Variants in TRIM7 observed in about 807,000 individuals in gnomAD.
TRIM7 encodes the protein tripartite motif containing 7, also known as E3 ubiquitin-protein ligase TRIM7.
A neutral mutation model predicts 37.9 loss-of-function variants in TRIM7; 32 were observed. That is an observed-to-expected ratio of 0.84 (90% CI 0.64 to 1.13). The LOEUF is 1.13. Ranked by LOEUF, TRIM7 falls within the 50% of genes most tolerant of loss-of-function variation. The pLI is 0.00. For synonymous variants in TRIM7, 351 were observed against 321.3 expected (o/e 1.09, Z -0.99); for missense variants, 732 against 714.0 (o/e 1.03, Z -0.29).
intron 1 of TRIM7, chr5:181,204,286 A>C: frequency 2.7e-6 from 3 of 1,091,076 alleles, no homozygotes; most frequent in Non-Finnish European, 2.2e-6. Context: ...AGACCAGGCT[A>C]GAGGCTCCGA....
intron 5 of TRIM7, 115 bp downstream of exon 5, chr5:181,198,575 C>T (rs1447529006): frequency 2.5e-5 from 19 of 774,246 alleles, no homozygotes; most frequent in Non-Finnish European, 3.1e-5. Flanking sequence ...CATGGCACAG[C>T]CAGCTCCTAT....
intron 2 of TRIM7, 164 bp downstream of exon 2, chr5:181,203,381 C>G: frequency 2.1e-6 from 3 of 1,457,264 alleles, no homozygotes; most frequent in Non-Finnish European, 2.7e-6. Context: ...CTGGTTTGTA[C>G]AACAATTATG....
At chr5:181,201,856 G>A (rs1023144827) in intron 2 of TRIM7, among the ~76,000 whole-genome samples, 7 of 152,214 alleles carry the variant, frequency 4.6e-5, no homozygotes, top group East Asian at 1.9e-4. Context: ...AGCTGCCGCC[G>A]GTGCCAGGGA....
chr5:181,200,837 G>A, intron 2 of TRIM7: 1 of 985,474 alleles, frequency 1.0e-6, no homozygotes, highest in Admixed American at 6.1e-5. Flanking sequence ...AAAACTCCTG[G>A]GCGGAGGAAG....
At chr5:181,195,718 G>T (rs372053168) in intron 6 of TRIM7, 41 bp from the exon 7 acceptor site, 52 of 1,507,302 alleles carry the variant, frequency 3.4e-5, no homozygotes, top group Non-Finnish European at 4.4e-5. Flanking sequence ...ACGCAGCCAG[G>T]CCCCTGGCAC....
intron 6 of TRIM7, chr5:181,196,105 G>C (rs1757103038): frequency 6.2e-6 from 1 of 161,942 alleles, no homozygotes; most frequent in Non-Finnish European, 1.3e-5. Flanking sequence ...CAGTAGGCCA[G>C]GCGCAGTGGC....
At chr5:181,196,177 C>G (rs1027096581) in intron 6 of TRIM7, 1 of 150,808 alleles carries the variant, frequency 6.6e-6, no homozygotes, top group Non-Finnish European at 1.5e-5. Context: ...GTCGGGAAAT[C>G]AAGAACATCC....
chr5:181,204,834 TG>T lies in TRIM7; in HGVS notation c.276del (p.Asn93ThrfsTer89). ...GTGGCCACTGCCGCCAGCTGCCGGT[TG>T]GGCCGCAGCTGACTGGGGCGCGCGG... ...REPARPSQLR[P>X]NRQLAAVATL... On this transcript the variant is annotated frameshift_variant, in exon 1 of 7. Coordinates refer to ENST00000274773, the MANE Select transcript of TRIM7 (RefSeq NM_203293.3). LOFTEE classifies it high-confidence loss of function. The T allele has an allele frequency of 7.3e-7, 1 of 1,370,338 alleles. No individual in the cohort carries two copies. Among genetic ancestry groups the T allele is most frequent in the Non-Finnish European group, 9.3e-7 (1 of 1,070,734 alleles). The allele number at this position is 1,370,338 out of a possible 1,614,324, so 84.9% of individuals were successfully genotyped here. A position where few individuals can be genotyped will look rare whatever the true frequency, so the allele number is the denominator to read the frequency against.
chr5:181,199,651 T>C, intron 3 of TRIM7, 200 bp downstream of exon 3: 1 of 767,592 alleles, frequency 1.3e-6, no homozygotes, highest in Non-Finnish European at 2.0e-6. Flanking sequence ...ACGATATATA[T>C]TATTGTGGCT....
Position 181,204,748 on chromosome 5 carries a change from G to A in TRIM7, c.363C>T (p.Ala121=). ...AGCGGGCAGCCGCTGCCCGGGCCGC[G>A]GCCGCCTGAGACCCGTGCTCTCCCG... The part of the protein sequence containing the change: ...AAPGEHGSQA[A]AARAAAARCG... Residue 121 remains alanine, a synonymous_variant, in exon 1 of 7, where the codon GCC becomes GCT. Transcript: ENST00000274773. 1 of 1,458,612 alleles carries A rather than the reference G, an allele frequency of 6.9e-7. No individual in the cohort carries two copies. 90.4% of individuals were successfully genotyped at this position (1,458,612 alleles called of 1,614,324 possible). A position where few individuals can be genotyped will look rare whatever the true frequency, so the allele number is the denominator to read the frequency against.
chr5:181,204,477 G>A, intron 1 of TRIM7, 112 bp downstream of exon 1: 1 of 1,197,802 alleles, frequency 8.3e-7, no homozygotes, highest in Non-Finnish European at 1.1e-6. Context: ...GAAGGGAGGG[G>A]CTCACCCGGG....
At chr5:181,200,218 C>A in intron 2 of TRIM7, 137 bp from the exon 3 acceptor site, 1 of 1,559,326 alleles carries the variant, frequency 6.4e-7, no homozygotes, top group Non-Finnish European at 8.7e-7. Flanking sequence ...CCTACGCACG[C>A]AGTGCGTGCT....
intron 6 of TRIM7, 93 bp downstream of exon 6, chr5:181,198,090 G>C (rs879186065): frequency 4.9e-6 from 7 of 1,437,762 alleles, no homozygotes; most frequent in Non-Finnish European, 6.8e-6. Context: ...TGAAGGAACC[G>C]ACCATATGCA....
Position 181,195,264 on chromosome 5 carries a change from T to C in TRIM7, c.1438A>G (p.Met480Val). 1 of 1,611,496 alleles carries C rather than the reference T, an allele frequency of 6.2e-7. No homozygotes were observed. Among genetic ancestry groups the C allele is most frequent in the Non-Finnish European group, 8.5e-7 (1 of 1,179,002 alleles). Residue 480 changes from methionine (M) to valine (V), a missense_variant, in exon 7 of 7, where the codon ATG becomes GTG. By Grantham distance (21) the Met-to-Val change is conservative. Transcript: ENST00000274773. Reference protein sequence around the residue: ...GAVSFYAVEDMRHLYTFRVNF... With the variant: ...GAVSFYAVEDVRHLYTFRVNF... ...ACGCGGAAGGTGTAGAGGTGGCGCA[T>C]GTCCTCCACAGCGTAGAAGGACACG...
Position 181,195,500 on chromosome 5 carries a change from A to G in TRIM7, c.1202T>C (p.Val401Ala). ...GFSSGRHHWE[V>A]EVGSKDGWAF... is the part of the protein sequence containing the mutation. ...CCAGCCGTCCTTAGAGCCCACCTCCACCTCCCAGTGATGCCGGCCCGAGGA... is the reference window on the plus strand; with the variant it reads ...CCAGCCGTCCTTAGAGCCCACCTCCGCCTCCCAGTGATGCCGGCCCGAGGA... Residue 401 changes from valine to alanine, a missense_variant, in exon 7 of 7, where the codon GTG becomes GCG. Physicochemically the swap from Val to Ala is moderately conservative, Grantham distance 64. Coordinates refer to ENST00000274773, the MANE Select transcript of TRIM7 (RefSeq NM_203293.3). 6.2e-7 allele frequency: 1 copy of G among 1,612,400 alleles called. No homozygotes were observed. The highest frequency in any genetic ancestry group is 2.2e-5 in the East Asian group (1 of 44,858).
Position 181,194,961 on chromosome 5 carries a change from C to T in TRIM7, c.*205G>A. 1.7e-6 allele frequency: 1 copy of T among 574,206 alleles called. No homozygotes were observed. Among genetic ancestry groups the T allele is most frequent in the Non-Finnish European group, 3.0e-6 (1 of 337,698 alleles). 35.6% of individuals were successfully genotyped at this position (574,206 alleles called of 1,614,324 possible). ...TCCACATGTGACCTCAGGAAGGGAA[C>T]ACCCTCAGGAGTCCAAAGCCCCTGT... On this transcript the variant is annotated 3_prime_UTR_variant, in exon 7 of 7. Transcript: ENST00000274773.
intron 1 of TRIM7, 134 bp from the exon 2 acceptor site, chr5:181,203,774 T>G: frequency 6.9e-7 from 1 of 1,447,042 alleles, no homozygotes; most frequent in Non-Finnish European, 9.0e-7. Context: ...AAGTCATCTC[T>G]ACAGGCTACA....
At chr5:181,200,592 A>G in intron 2 of TRIM7, 1 of 1,003,700 alleles carries the variant, frequency 1.0e-6, no homozygotes, top group East Asian at 1.0e-4. Context: ...GATGTAGGAA[A>G]GTAGAAAGAA....
At chr5:181,204,055 A>G in intron 1 of TRIM7, 1 of 999,216 alleles carries the variant, frequency 1.0e-6, no homozygotes, top group Non-Finnish European at 1.2e-6. Context: ...ATAGCAAAGA[A>G]AGGGCCCCCA....
Sources: allele counts gnomAD v4.1 joint callset (sites outside exome capture counted in the v4.1 genomes callset), GRCh38; gene constraint gnomAD v4.1.1; transcripts MANE v1.5; gene names NCBI Gene and HGNC (gene_info 2026-07-23, HGNC 2026-07-21).